Variants in ETS1 observed in about 807,000 individuals in gnomAD.
ETS1 encodes protein C-ets-1.
Under a neutral mutation model 58.6 loss-of-function variants are expected in ETS1, and 15 were observed. That is an observed-to-expected ratio of 0.26 (90% CI 0.17 to 0.39). The LOEUF is 0.39. ETS1 is among the 10% of genes least tolerant of loss of function. The pLI, the probability that ETS1 is intolerant of heterozygous loss-of-function variation, is 1.00. For synonymous variants in ETS1, 214 were observed against 218.2 expected (o/e 0.98, Z 0.17); for missense variants, 417 against 610.5 (o/e 0.68, Z 3.34).
At chr11:128,578,440 T>C (rs1864796341) in intron 1 of ETS1, among the ~76,000 whole-genome samples, 1 of 152,160 alleles carries the variant, frequency 6.6e-6, no homozygotes, top group Admixed American at 6.5e-5. Flanking sequence ...AAAACTACGC[T>C]TTTAGGTAAA....
At chr11:128,551,377 T>C (rs1463367624) in intron 3 of ETS1, among the ~76,000 whole-genome samples, 1 of 152,182 alleles carries the variant, frequency 6.6e-6, no homozygotes, top group Non-Finnish European at 1.5e-5. Flanking sequence ...CGCTAGGCCA[T>C]ATGAGAAAGC....
chr11:128,521,922 G>A (rs1228165667), intron 3 of ETS1: 6 of 1,603,180 alleles, frequency 3.7e-6, no homozygotes, highest in Non-Finnish European at 5.1e-6. Context: ...CCCGGGGAGG[G>A]GAAAAGCTCC....
At chr11:128,548,112 G>GAAGGGAAGGA (rs1864159997) in intron 3 of ETS1, among the ~76,000 whole-genome samples, 1 of 97,716 alleles carries the variant, frequency 1.0e-5, no homozygotes, top group Non-Finnish European at 2.0e-5. Flanking sequence ...AAAGGAAAGG[G>GAAGGGAAGGA]AAGGAAAGGA....
At chr11:128,475,553 G>A (rs796634238) in intron 8 of ETS1, among the ~76,000 whole-genome samples, 1 of 135,158 alleles carries the variant, frequency 7.4e-6, no homozygotes, top group Non-Finnish European at 1.5e-5. Context: ...AGAATGCACA[G>A]GGCTTTTTTT....
chr11:128,478,796 C>T (rs904865970), intron 8 of ETS1, among the ~76,000 whole-genome samples: 1 of 152,132 alleles, frequency 6.6e-6, no homozygotes, highest in African/African-American at 2.4e-5. Flanking sequence ...TTTCCTCATC[C>T]CAGACGTTTT....
chr11:128,543,416 T>C (rs558079965), intron 3 of ETS1, among the ~76,000 whole-genome samples: 6 of 152,234 alleles, frequency 3.9e-5, no homozygotes, highest in Non-Finnish European at 8.8e-5. Context: ...ATGATCACTC[T>C]CTACCTGCCC....
chr11:128,529,414 A>G (rs1863859787), intron 3 of ETS1, among the ~76,000 whole-genome samples: 1 of 152,208 alleles, frequency 6.6e-6, no homozygotes, highest in Non-Finnish European at 1.5e-5. Context: ...AGCTGCTACA[A>G]TCTAGCAGGT....
At chr11:128,481,158 T>A (rs1432121572) in intron 7 of ETS1, among the ~76,000 whole-genome samples, 1 of 150,108 alleles carries the variant, frequency 6.7e-6, no homozygotes, top group Non-Finnish European at 1.5e-5. Flanking sequence ...CCATATTCTT[T>A]ATCCTCTCCA....
chr11:128,492,810 A>C (rs1313426032), intron 3 of ETS1, among the ~76,000 whole-genome samples: 1 of 152,188 alleles, frequency 6.6e-6, no homozygotes, highest in Non-Finnish European at 1.5e-5. Flanking sequence ...TTTAGAGAAA[A>C]GGGCTCTCTA....
At chr11:128,470,303 G>A (rs754490685) in intron 8 of ETS1, among the ~76,000 whole-genome samples, 2 of 152,136 alleles carry the variant, frequency 1.3e-5, no homozygotes, top group Non-Finnish European at 2.9e-5. Flanking sequence ...AGTGATGACG[G>A]CATCCTATAA....
At chr11:128,465,731 T>C (rs1862015955) in intron 8 of ETS1, among the ~76,000 whole-genome samples, 2 of 152,182 alleles carry the variant, frequency 1.3e-5, no homozygotes, top group Non-Finnish European at 2.9e-5. Flanking sequence ...GAAAAACTAA[T>C]GAGTGCTATG....
At chr11:128,518,698 T>C (rs1171474200) in intron 3 of ETS1, among the ~76,000 whole-genome samples, 1 of 152,188 alleles carries the variant, frequency 6.6e-6, no homozygotes, top group African/African-American at 2.4e-5. Context: ...GAGCAAGTGA[T>C]CTAATAGACT....
chr11:128,475,270 A>G (rs1007408302), intron 8 of ETS1, among the ~76,000 whole-genome samples: 2 of 152,268 alleles, frequency 1.3e-5, no homozygotes, highest in Non-Finnish European at 2.9e-5. Flanking sequence ...CTGTGATTTC[A>G]GCTAATGCTG....
intron 3 of ETS1, among the ~76,000 whole-genome samples, chr11:128,554,772 TAA>T (rs1864287097): frequency 1.3e-5 from 2 of 151,706 alleles, no homozygotes; most frequent in Non-Finnish European, 1.5e-5. Context: ...TTGGGAGATA[TAA>T]GACTTAAGCC....
chr11:128,529,678 C>T (rs1475746481), intron 3 of ETS1, among the ~76,000 whole-genome samples: 1 of 152,130 alleles, frequency 6.6e-6, no homozygotes, highest in African/African-American at 2.4e-5. Context: ...ATAAGAGCCC[C>T]AAGAAAACAT....
chr11:128,480,500 G>GAAA, intron 7 of ETS1, 49 bp from the exon 8 acceptor site: 1 of 1,338,662 alleles, frequency 7.5e-7, no homozygotes, highest in Admixed American at 2.0e-5. Flanking sequence ...GGAGGGAGTG[G>GAAA]GAAAAAAAAA....
At chr11:128,491,308 T>G (rs1352197854) in intron 3 of ETS1, among the ~76,000 whole-genome samples, 1 of 152,250 alleles carries the variant, frequency 6.6e-6, no homozygotes, top group East Asian at 1.9e-4. Flanking sequence ...CCACAGGAGC[T>G]AGCTATCTGA....
At chr11:128,539,994 T>C (rs1864030109) in intron 3 of ETS1, among the ~76,000 whole-genome samples, 1 of 152,214 alleles carries the variant, frequency 6.6e-6, no homozygotes, top group African/African-American at 2.4e-5. Flanking sequence ...CGACTGCTAA[T>C]GGATATAAGA....
At chr11:128,576,046 T>C (rs1197303532) in intron 1 of ETS1, among the ~76,000 whole-genome samples, 3 of 152,198 alleles carry the variant, frequency 2.0e-5, no homozygotes, top group African/African-American at 7.2e-5. Context: ...TGGCCCAACA[T>C]CTGGTGCACT....
Sources: gnomAD v4.1 joint callset for allele counts (sites outside exome capture counted in the v4.1 genomes callset) on GRCh38, gnomAD v4.1.1 for gene constraint, MANE v1.5 for transcripts, NCBI Gene and HGNC (gene_info 2026-07-23, HGNC 2026-07-21) for gene names.